ATXN7L1: variants seen among roughly 807,000 people sequenced by gnomAD.
The protein encoded by ATXN7L1 is ataxin-7-like protein 1.
Under a neutral mutation model 70.8 loss-of-function variants are expected in ATXN7L1, and 15 were observed. The observed-to-expected ratio is 0.21, with a 90% CI of 0.14 to 0.33. The LOEUF (loss-of-function observed/expected upper bound fraction) is 0.33, where lower values mean the gene tolerates loss of function less well. Among genes scored for constraint, ATXN7L1 ranks in the 10% least tolerant of loss-of-function variants. ATXN7L1 has a pLI of 1.00. For missense variants in ATXN7L1, 975 were observed against 1,097.1 expected (o/e 0.89, Z 1.57); for synonymous variants, 440 against 445.1 (o/e 0.99, Z 0.14).
Position 105,613,910 on chromosome 7 carries a change from G to T in ATXN7L1, c.2424C>A (p.Ser808Arg), listed in dbSNP as rs190958070. The T allele has an allele frequency of 1.6e-5, 25 of 1,552,156 alleles. No homozygotes were observed. In the Admixed American group the frequency reaches 3.7e-4, roughly 23 times the overall value. Residue 808 changes from serine to arginine, a missense_variant, in exon 10 of 12, where the codon AGC becomes AGA. Physicochemically the swap from Ser to Arg is moderately radical, Grantham distance 110. Around this residue, in one of 5 missense-constraint regions of ATXN7L1, gnomAD observed 635 missense variants for 699.4 expected, o/e 0.91. Transcript: ENST00000419735. Reference sequence around the variant, plus strand: ...CGGGATCGGGCACCGGTGCGAGAAGGCTGGGCGGGTTCTTTTTGTGAACGC... The same window carrying T: ...CGGGATCGGGCACCGGTGCGAGAAGTCTGGGCGGGTTCTTTTTGTGAACGC... ...MNSVHKKNPP[S>R]LLAPVPDPVN... is the part of the protein sequence containing the mutation.
At chr7:105,772,056 G>T (rs1236678348) in intron 3 of ATXN7L1, among the ~76,000 whole-genome samples, 1 of 143,346 alleles carries the variant, frequency 7.0e-6, no homozygotes, top group East Asian at 2.1e-4. Context: ...GACAATATCA[G>T]ATTGGAATTT....
chr7:105,876,590 A>G lies in ATXN7L1; in HGVS notation c.-32T>C, dbSNP rs771692089. 4.9e-6 allele frequency: 5 copies of G among 1,015,974 alleles called. 1 individual carries two copies. Among genetic ancestry groups the G allele is most frequent in the Middle Eastern group, 5.9e-4 (2 of 3,414 alleles). The allele number at this position is 1,015,974 out of a possible 1,614,324, so 62.9% of individuals were successfully genotyped here. ...AACGTTCCGACATTGAGTGTTCTGAAAGGGGGAGGGAGGGAGGAAGGGCGG... is the reference window on the plus strand; with the variant it reads ...AACGTTCCGACATTGAGTGTTCTGAGAGGGGGAGGGAGGGAGGAAGGGCGG... On this transcript the variant is annotated 5_prime_UTR_variant, in exon 1 of 12. Coordinates refer to ENST00000419735, the MANE Select transcript of ATXN7L1 (RefSeq NM_020725.2).
At chr7:105,766,072 A>G (rs925597581) in intron 3 of ATXN7L1, among the ~76,000 whole-genome samples, 10 of 151,686 alleles carry the variant, frequency 6.6e-5, no homozygotes, top group African/African-American at 2.2e-4. Context: ...CCTTTGGCAT[A>G]GGCAGGAGGT....
intron 2 of ATXN7L1, among the ~76,000 whole-genome samples, chr7:105,851,343 C>T (rs1407454583): frequency 2.0e-5 from 3 of 152,220 alleles, no homozygotes; most frequent in South Asian, 4.1e-4. Flanking sequence ...TTTCCCCCTG[C>T]ACCATCGAGT....
chr7:105,737,417 T>C (rs1445698353), intron 3 of ATXN7L1, among the ~76,000 whole-genome samples: 1 of 152,228 alleles, frequency 6.6e-6, no homozygotes, highest in Non-Finnish European at 1.5e-5. Context: ...TTCCACGAAG[T>C]AGATACTCTT....
At chr7:105,755,915 G>T (rs1486479401) in intron 3 of ATXN7L1, among the ~76,000 whole-genome samples, 1 of 152,122 alleles carries the variant, frequency 6.6e-6, no homozygotes, top group Non-Finnish European at 1.5e-5. Context: ...ACAGAACTTT[G>T]CCAAGCACCC....
intron 3 of ATXN7L1, among the ~76,000 whole-genome samples, chr7:105,690,206 T>C (rs1435718860): frequency 6.6e-6 from 1 of 151,990 alleles, no homozygotes; most frequent in African/African-American, 2.4e-5. Flanking sequence ...GGTTTCTCCA[T>C]GTTGGTCAGG....
At chr7:105,767,266 G>C (rs1465211049) in intron 3 of ATXN7L1, among the ~76,000 whole-genome samples, 1 of 152,068 alleles carries the variant, frequency 6.6e-6, no homozygotes. Context: ...AGCTTTCCTG[G>C]GGGTAGAAGG....
intron 3 of ATXN7L1, among the ~76,000 whole-genome samples, chr7:105,685,934 T>C (rs1806138190): frequency 6.6e-6 from 1 of 152,210 alleles, no homozygotes; most frequent in African/African-American, 2.4e-5. Flanking sequence ...GGTCACCTGT[T>C]GGCCTTTAGA....
intron 2 of ATXN7L1, among the ~76,000 whole-genome samples, chr7:105,817,420 C>T (rs778564117): frequency 2.6e-5 from 4 of 152,170 alleles, no homozygotes; most frequent in Non-Finnish European, 5.9e-5. Context: ...GAAAACTGTA[C>T]TGAGGTTATG....
chr7:105,738,650 G>A (rs1267657574), intron 3 of ATXN7L1, among the ~76,000 whole-genome samples: 3 of 152,360 alleles, frequency 2.0e-5, no homozygotes, highest in Non-Finnish European at 1.5e-5. Flanking sequence ...CTGTCTAGTA[G>A]TTGAGTTGGG....
chr7:105,796,136 G>A (rs575688871), intron 2 of ATXN7L1, among the ~76,000 whole-genome samples: 6 of 152,038 alleles, frequency 3.9e-5, no homozygotes, highest in South Asian at 2.1e-4. Flanking sequence ...AGGCCGAGGC[G>A]GGCAGATCAT....
chr7:105,761,308 G>T, intron 3 of ATXN7L1: 1 of 1,605,746 alleles, frequency 6.2e-7, no homozygotes. Flanking sequence ...CTTCCAGGAA[G>T]CCGTCTCCAG....
chr7:105,608,088 A>G (rs573894962), intron 11 of ATXN7L1, among the ~76,000 whole-genome samples, 198 bp from the exon 12 acceptor site: 1 of 152,332 alleles, frequency 6.6e-6, no homozygotes, highest in African/African-American at 2.4e-5. Context: ...TGACGGATCC[A>G]TGCATGTAAG....
chr7:105,730,105 A>C (rs1028954327), intron 3 of ATXN7L1, among the ~76,000 whole-genome samples: 2 of 152,162 alleles, frequency 1.3e-5, no homozygotes, highest in Non-Finnish European at 2.9e-5. Context: ...TGGAAAAAGC[A>C]GGGCAGGAGA....
chr7:105,641,564 G>A (rs1798260400), intron 5 of ATXN7L1, among the ~76,000 whole-genome samples: 1 of 152,254 alleles, frequency 6.6e-6, no homozygotes, highest in African/African-American at 2.4e-5. Context: ...TGGAAGCCAC[G>A]GCCGTGCTTC....
chr7:105,767,859 C>G (rs1378184098), intron 3 of ATXN7L1, among the ~76,000 whole-genome samples: 1 of 152,212 alleles, frequency 6.6e-6, no homozygotes, highest in Admixed American at 6.5e-5. Flanking sequence ...TCAGGCCTTC[C>G]TCCTTCTCCA....
intron 3 of ATXN7L1, among the ~76,000 whole-genome samples, chr7:105,769,596 G>T (rs1025078603): frequency 2.0e-5 from 3 of 152,022 alleles, no homozygotes; most frequent in African/African-American, 7.3e-5. Context: ...TAGGGTGACC[G>T]GCTGACTCAG....
chr7:105,641,232 T>C (rs1402183910), intron 5 of ATXN7L1, among the ~76,000 whole-genome samples: 2 of 131,356 alleles, frequency 1.5e-5, no homozygotes, highest in Non-Finnish European at 1.6e-5. Context: ...TTTTTTTTTT[T>C]TTTTTTTTTT....
Sources: allele counts gnomAD v4.1 joint callset (sites outside exome capture counted in the v4.1 genomes callset), GRCh38; gene constraint gnomAD v4.1.1; regional missense constraint gnomAD v4.1.1; transcripts MANE v1.5; gene names NCBI Gene and HGNC (gene_info 2026-07-23, HGNC 2026-07-21).